The following CFAP77 variants were observed in gnomAD, a reference collection of about 807,000 sequenced individuals.
CFAP77 encodes cilia and flagella associated protein 77.
In CFAP77, 25 loss-of-function variants were observed where a neutral mutation model predicts 31.1. The observed-to-expected ratio is 0.80, with a 90% confidence interval of 0.59 to 1.12. CFAP77 has a LOEUF of 1.12. CFAP77 is among the 50% of genes most tolerant of loss of function. The probability of loss-of-function intolerance (pLI) is 0.00; values close to 1 mark genes in which losing one functional copy is unlikely to be tolerated. For synonymous variants in CFAP77, 151 were observed against 159.9 expected (o/e 0.94, Z 0.42); for missense variants, 377 against 397.3 (o/e 0.95, Z 0.44).
At chr9:132,444,530 G>A (rs149361685) in intron 1 of CFAP77, among the ~76,000 whole-genome samples, 16 of 152,302 alleles carry the variant, frequency 1.1e-4, no homozygotes, top group African/African-American at 3.6e-4. Context: ...TTCAGGAGGT[G>A]CCTGTGGTTA....
At chr9:132,478,260 C>T (rs945936816) in intron 1 of CFAP77, among the ~76,000 whole-genome samples, 2 of 152,052 alleles carry the variant, frequency 1.3e-5, no homozygotes, top group African/African-American at 2.4e-5. Context: ...TTTCTGAGTT[C>T]TGTGGGTCCT....
At position 132,441,540 on chromosome 9, in the gene CFAP77, C is replaced by G. The variant is rs369599471; in HGVS notation, c.195+31074C>G. Reference sequence around the variant, plus strand: ...CCCTCCCCGCTCCCCGCCAACCACACATAAGAAAACATTGAAACTGAGTGT... The same window carrying G: ...CCCTCCCCGCTCCCCGCCAACCACAGATAAGAAAACATTGAAACTGAGTGT... On this transcript the variant is annotated intron_variant, in intron 1 of 5. Coordinates refer to ENST00000393216, the MANE Select transcript of CFAP77 (RefSeq NM_001282957.2). Among the ~76,000 whole-genome samples the G allele has an allele frequency of 5.9e-5, 9 of 152,336 alleles. No individual in the cohort carries two copies. The East Asian group carries it at 1.7e-3, about 29-fold the overall frequency.
chr9:132,446,363 G>A (rs1388451483), intron 1 of CFAP77, among the ~76,000 whole-genome samples: 2 of 151,880 alleles, frequency 1.3e-5, no homozygotes, highest in South Asian at 2.1e-4. Context: ...TGTTTTCACC[G>A]AGAACACCAG....
intron 1 of CFAP77, among the ~76,000 whole-genome samples, chr9:132,485,992 A>ATC (rs1851533780): frequency 1.3e-4 from 1 of 7,644 alleles, no homozygotes; most frequent in Non-Finnish European, 2.2e-4. Context: ...CCTCATATAT[A>ATC]TATATATATA....
At chr9:132,428,651 G>A (rs986343625) in intron 1 of CFAP77, among the ~76,000 whole-genome samples, 12 of 151,988 alleles carry the variant, frequency 7.9e-5, no homozygotes, top group Admixed American at 3.3e-4. Flanking sequence ...CACCCTGTAC[G>A]GGAAAAACAC....
chr9:132,498,933 G>T lies in CFAP77; in HGVS notation c.295+139G>T. The T allele has an allele frequency of 1.5e-6, 1 of 655,870 alleles. No individual in the cohort carries two copies. Among genetic ancestry groups the T allele is most frequent in the Non-Finnish European group, 2.6e-6 (1 of 379,876 alleles). 40.6% of individuals were successfully genotyped at this position (655,870 alleles called of 1,614,324 possible). On this transcript the variant is annotated intron_variant, in intron 2 of 5. Transcript: ENST00000393216. The surrounding 1 kb of genome is among the most constrained non-coding windows in gnomAD (Gnocchi z 4.2). ...GACCCAGGGACCGCCAGCCTGGGCA[G>T]CTGACTGGTAAAACCCAGGAAGTGG...
At chr9:132,446,632 T>C (rs961807614) in intron 1 of CFAP77, among the ~76,000 whole-genome samples, 2 of 151,164 alleles carry the variant, frequency 1.3e-5, no homozygotes, top group African/African-American at 4.9e-5. Flanking sequence ...TCCCAGCTAC[T>C]TGGGAGGCTG....
Position 132,410,396 on chromosome 9 carries a change from G to C in CFAP77, c.125G>C (p.Arg42Pro). 4 of 1,601,614 alleles carry C rather than the reference G, an allele frequency of 2.5e-6. No homozygotes were observed. Among genetic ancestry groups the C allele is most frequent in the Non-Finnish European group, 3.4e-6 (4 of 1,175,454 alleles). Reference sequence around the variant, plus strand: ...CGGCCCCTGACCGTGGCGGACATCCGTTCCGGCATGGAGAACGAGCGGCTG... The same window carrying C: ...CGGCCCCTGACCGTGGCGGACATCCCTTCCGGCATGGAGAACGAGCGGCTG... ...PRRPLTVADI[R>P]SGMENERLGV... Residue 42 changes from arginine to proline, a missense_variant, in exon 1 of 6, where the codon CGT becomes CCT. Coordinates refer to ENST00000393216, the MANE Select transcript of CFAP77 (RefSeq NM_001282957.2).
At chr9:132,446,353 T>C (rs185099633) in intron 1 of CFAP77, among the ~76,000 whole-genome samples, 52 of 152,082 alleles carry the variant, frequency 3.4e-4, no homozygotes, top group African/African-American at 1.3e-3. Flanking sequence ...TCCTGGTTTC[T>C]GTTTTCACCG....
intron 1 of CFAP77, among the ~76,000 whole-genome samples, chr9:132,458,426 C>T (rs1850968956): frequency 6.6e-6 from 1 of 151,244 alleles, no homozygotes; most frequent in Admixed American, 6.6e-5. Flanking sequence ...GGAATTTCGA[C>T]TGAATTTTCC....
chr9:132,437,602 C>T (rs920182292), intron 1 of CFAP77, among the ~76,000 whole-genome samples: 5 of 150,838 alleles, frequency 3.3e-5, no homozygotes, highest in Non-Finnish European at 5.9e-5. Flanking sequence ...CTCCGCCTCC[C>T]GGGTTCACGC....
Position 132,539,126 on chromosome 9 carries a change from G to A in CFAP77, c.630+1420G>A, listed in dbSNP as rs1305952200. Among the ~76,000 whole-genome samples, 4 of 152,056 alleles carry A rather than the reference G, an allele frequency of 2.6e-5. No homozygotes were observed. Among genetic ancestry groups the A allele is most frequent in the Admixed American group, 2.6e-4 (4 of 15,248 alleles). ...TAAATAAAAATAAATAAATAAAATA[G>A]TACTTCCTTTAAAATATTCTGAAAC... On this transcript the variant is annotated intron_variant, in intron 4 of 5. Transcript: ENST00000393216. This position sits in a 1 kb window ranked among gnomAD's most constrained non-coding sequence, Gnocchi z 4.3.
Position 132,480,905 on chromosome 9 carries a change from C to T in CFAP77, c.196-17790C>T, listed in dbSNP as rs910729990. On this transcript the variant is annotated intron_variant, in intron 1 of 5. Transcript: ENST00000393216. This position sits in a 1 kb window ranked among gnomAD's most constrained non-coding sequence, Gnocchi z 5.8. Reference sequence around the variant, plus strand: ...CCAAGGCTAGGAGCAGAGGTGCCCCCATTGTGGTCCGGGGGCCCCTGTTAT... The same window carrying T: ...CCAAGGCTAGGAGCAGAGGTGCCCCTATTGTGGTCCGGGGGCCCCTGTTAT... Among the ~76,000 whole-genome samples the T allele has an allele frequency of 1.3e-5, 2 of 152,140 alleles. No homozygotes were observed. The highest frequency in any genetic ancestry group is 3.8e-4 in the East Asian group (2 of 5,196).
chr9:132,459,933 CGTGAGTGTGT>C (rs1851020831), intron 1 of CFAP77, among the ~76,000 whole-genome samples: 1 of 150,262 alleles, frequency 6.7e-6, no homozygotes, highest in African/African-American at 2.5e-5. Flanking sequence ...TGAGTGTGTG[CGTGAGTGTGT>C]GTGAGTCTGA....
intron 3 of CFAP77, among the ~76,000 whole-genome samples, chr9:132,529,520 C>CAAAAAAAAAAAAACA (rs376224942): frequency 6.4e-4 from 79 of 123,314 alleles, no homozygotes; most frequent in East Asian, 1.2e-3. Flanking sequence ...AAAAAAAAAA[C>CAAAAAAAAAAAAACA]AAAAAAAAAA....
intron 1 of CFAP77, among the ~76,000 whole-genome samples, chr9:132,413,087 G>A (rs1190237227): frequency 6.6e-6 from 1 of 152,106 alleles, no homozygotes; most frequent in African/African-American, 2.4e-5. Context: ...TTAGAAATAG[G>A]CATTTATTCT....
At chr9:132,411,977 A>C (rs1312674158) in intron 1 of CFAP77, among the ~76,000 whole-genome samples, 3 of 152,208 alleles carry the variant, frequency 2.0e-5, no homozygotes, top group Non-Finnish European at 4.4e-5. Flanking sequence ...TATAATATAC[A>C]TGTACATATG....
intron 1 of CFAP77, among the ~76,000 whole-genome samples, chr9:132,465,017 T>A (rs1851124849): frequency 7.2e-6 from 1 of 139,640 alleles, no homozygotes; most frequent in African/African-American, 2.7e-5. Flanking sequence ...GAGGTTGCAG[T>A]GAGCCAAGAT....
chr9:132,494,111 T>A lies in CFAP77; in HGVS notation c.196-4584T>A, dbSNP rs142450436. 5.2e-3 allele frequency among the ~76,000 whole-genome samples: 790 copies of A among 152,244 alleles called. 23 individuals are homozygous for A. The highest frequency in any genetic ancestry group is 0.046 in the Admixed American group (702 of 15,288). ...ATTTTTTGTAGAGATGGGGTTTTGC[T>A]ATATTGCCCAGGATGGTCTCAAATT... On this transcript the variant is annotated intron_variant, in intron 1 of 5. Coordinates refer to ENST00000393216, the MANE Select transcript of CFAP77 (RefSeq NM_001282957.2).
Sources: gnomAD v4.1 joint callset for allele counts (sites outside exome capture counted in the v4.1 genomes callset) on GRCh38, gnomAD v4.1.1 for gene constraint, Gnocchi (gnomAD v3.1) non-coding constraint, MANE v1.5 for transcripts, NCBI Gene and HGNC (gene_info 2026-07-23, HGNC 2026-07-21) for gene names.